The following ALX4 variants were observed in gnomAD, a reference collection of about 807,000 sequenced individuals.
ALX4 encodes the protein homeobox protein aristaless-like 4.
In ALX4, 22 loss-of-function variants were observed where a neutral mutation model predicts 40.6. The observed-to-expected ratio is 0.54, with a 90% CI of 0.39 to 0.77. The LOEUF is 0.77. Ranked by LOEUF, ALX4 falls within the 30% of genes least tolerant of loss-of-function variation. The pLI is 0.00. For synonymous variants in ALX4, 266 were observed against 240.5 expected, an observed-to-expected ratio of 1.11 and a Z score of -0.98; for missense variants, 556 against 564.8, an observed-to-expected ratio of 0.98 and a Z score of 0.16.
At chr11:44,302,495 A>C (rs2119894465) in intron 1 of ALX4, among the ~76,000 whole-genome samples, 1 of 152,302 alleles carries the variant, frequency 6.6e-6, no homozygotes, top group Middle Eastern at 3.4e-3. Context: ...TGTACAAAAC[A>C]CTTGGAAGGA....
intron 1 of ALX4, among the ~76,000 whole-genome samples, chr11:44,294,827 CCTAT>C (rs902003013): frequency 6.2e-5 from 6 of 96,568 alleles, no homozygotes; most frequent in African/African-American, 2.3e-4. Context: ...AAGATCCTTA[CCTAT>C]TTATTTATTT....
At chr11:44,280,044 T>G (rs559587429) in intron 1 of ALX4, among the ~76,000 whole-genome samples, 16 of 152,284 alleles carry the variant, frequency 1.1e-4, no homozygotes, top group African/African-American at 3.9e-4. Context: ...CTCGAGTAAA[T>G]GAACCAACCG....
intron 1 of ALX4, among the ~76,000 whole-genome samples, chr11:44,305,261 C>G (rs1956459486): frequency 6.6e-6 from 1 of 152,186 alleles, no homozygotes; most frequent in African/African-American, 2.4e-5. Context: ...TGTGCAAGAT[C>G]ATGCAAGTCG....
intron 1 of ALX4, among the ~76,000 whole-genome samples, chr11:44,299,635 C>T (rs117286947): frequency 0.027 from 4,175 of 152,270 alleles, 78 homozygotes; most frequent in Middle Eastern, 0.1. Flanking sequence ...GCTGGGATTA[C>T]GGGCATGAGC....
At position 44,301,387 on chromosome 11, in the gene ALX4, C is replaced by T. The variant is rs554715648; in HGVS notation, c.466+8210G>A. Among the ~76,000 whole-genome samples the T allele has an allele frequency of 9.9e-5, 15 of 152,220 alleles. No homozygotes were observed. In the South Asian group the frequency reaches 3.1e-3, roughly 32 times the overall value. ...GTCATCTGGCCTCAGCTGACCCTGG[C>T]TTGTGGTTTTCAAGAACTTAGGAAA... On this transcript the variant is annotated intron_variant, in intron 1 of 3. Coordinates refer to ENST00000652299, the MANE Select transcript of ALX4 (RefSeq NM_021926.4).
At chr11:44,306,272 G>T (rs918321886) in intron 1 of ALX4, among the ~76,000 whole-genome samples, 1 of 152,238 alleles carries the variant, frequency 6.6e-6, no homozygotes, top group Non-Finnish European at 1.5e-5. Flanking sequence ...CCCAAGTTGG[G>T]GTAGGGACGC....
At chr11:44,302,261 G>A (rs538521521) in intron 1 of ALX4, among the ~76,000 whole-genome samples, 9 of 152,150 alleles carry the variant, frequency 5.9e-5, no homozygotes, top group South Asian at 2.1e-4. Context: ...GCCTTTCACC[G>A]GACTACACAC....
chr11:44,285,395 G>T (rs1302235850), intron 1 of ALX4, among the ~76,000 whole-genome samples: 7 of 152,146 alleles, frequency 4.6e-5, no homozygotes, highest in African/African-American at 1.4e-4. Context: ...ATCCTTTTCT[G>T]TTGGGCTCAC....
chr11:44,307,664 G>T (rs1030009968), intron 1 of ALX4, among the ~76,000 whole-genome samples: 1 of 152,234 alleles, frequency 6.6e-6, no homozygotes, highest in South Asian at 2.1e-4. Context: ...TCTGCGACCT[G>T]CCCTCACCTA....
chr11:44,294,821 T>G (rs1451605872), intron 1 of ALX4, among the ~76,000 whole-genome samples: 2 of 127,094 alleles, frequency 1.6e-5, no homozygotes, highest in East Asian at 4.4e-4. Context: ...TGTTCTAAGA[T>G]CCTTACCTAT....
rs886048301 is a variant in ALX4, at chr11:44,263,498, A to G, written c.*1356T>C. The G allele has an allele frequency of 6.6e-6, 1 of 152,370 alleles. No homozygotes were observed. Among genetic ancestry groups the G allele is most frequent in the Non-Finnish European group, 1.5e-5 (1 of 68,150 alleles). The allele number at this position is 152,370 out of a possible 1,614,324, so 9.4% of individuals were successfully genotyped here. On this transcript the variant is annotated 3_prime_UTR_variant, in exon 4 of 4. Coordinates refer to ENST00000652299, the MANE Select transcript of ALX4 (RefSeq NM_021926.4). ...AAAGCCACACCGAGGAGCCCAGGCCAGGAGCCCTTCCGCAGGCTGGAGAGA... is the reference window on the plus strand; with the variant it reads ...AAAGCCACACCGAGGAGCCCAGGCCGGGAGCCCTTCCGCAGGCTGGAGAGA...
At chr11:44,269,181 T>C (rs1956230759) in intron 2 of ALX4, among the ~76,000 whole-genome samples, 1 of 152,228 alleles carries the variant, frequency 6.6e-6, no homozygotes, top group Non-Finnish European at 1.5e-5. Context: ...CTGGCCTCTT[T>C]GGGCATCCAG....
At chr11:44,282,708 C>A (rs1339803694) in intron 1 of ALX4, among the ~76,000 whole-genome samples, 1 of 152,146 alleles carries the variant, frequency 6.6e-6, no homozygotes, top group Non-Finnish European at 1.5e-5. Context: ...GGTCTGTAAA[C>A]AAAGCCAGTC....
At chr11:44,273,209 AAG>A (rs1956259442) in intron 2 of ALX4, among the ~76,000 whole-genome samples, 1 of 143,736 alleles carries the variant, frequency 7.0e-6, no homozygotes, top group African/African-American at 2.5e-5. Context: ...AAAAAAAAAA[AAG>A]ATTTCTCTTT....
chr11:44,265,185 T>A lies in ALX4; in HGVS notation c.907-2A>T. 1 of 1,599,566 alleles carries A rather than the reference T, an allele frequency of 6.3e-7. No homozygotes were observed. Among genetic ancestry groups the A allele is most frequent in the South Asian group, 1.1e-5 (1 of 89,246 alleles). ...GCCGAGCCAGGACGGGTTCTGAATC[T>A]GGGAGAGGAAGGGAGAGATGTCACC... On this transcript the variant is annotated splice_acceptor_variant, in intron 3 of 3. Coordinates refer to ENST00000652299, the MANE Select transcript of ALX4 (RefSeq NM_021926.4). LOFTEE classifies it high-confidence loss of function.
chr11:44,265,640 C>T (rs553541774), intron 3 of ALX4, among the ~76,000 whole-genome samples: 1 of 152,224 alleles, frequency 6.6e-6, no homozygotes, highest in Admixed American at 6.5e-5. Context: ...TCCCTTGGGC[C>T]CCCACCAGTA....
At position 44,275,404 on chromosome 11, in the gene ALX4, C is replaced by A. The variant is rs750798110; in HGVS notation, c.721G>T (p.Val241Leu). The A allele has an allele frequency of 2.5e-6, 4 of 1,614,106 alleles. No homozygotes were observed. The Admixed American group carries it at 5.0e-5, about 20-fold the overall frequency. Residue 241 changes from valine (V) to leucine (L), a missense_variant, in exon 2 of 4, where the codon GTG (valine) becomes TTG (leucine). Transcript: ENST00000652299. The part of the protein sequence containing the change: ...KVFQKTHYPD[V>L]YAREQLAMRT... The stretch of plus-strand genomic sequence containing the variant: ...ATGGCCAGCTGTTCCCGCGCATACA[C>A]GTCTGGGTAGTGGGTCTTCTGGAAG...
chr11:44,273,996 C>T (rs12801109), intron 2 of ALX4, among the ~76,000 whole-genome samples: 9,332 of 151,924 alleles, frequency 0.061, 386 homozygotes, highest in Non-Finnish European at 0.092. Context: ...AAAATGGGCC[C>T]AGGCATGGTG....
At chr11:44,296,399 G>A (rs972244551) in intron 1 of ALX4, among the ~76,000 whole-genome samples, 2 of 152,268 alleles carry the variant, frequency 1.3e-5, no homozygotes, top group African/African-American at 2.4e-5. Flanking sequence ...AGTTATTGAC[G>A]ATTTCTTGAA....
Sources: gnomAD v4.1 joint callset for allele counts (sites outside exome capture counted in the v4.1 genomes callset) on GRCh38, gnomAD v4.1.1 for gene constraint, MANE v1.5 for transcripts, NCBI Gene and HGNC (gene_info 2026-07-23, HGNC 2026-07-21) for gene names.